The following DYNC2H1 variants were observed in gnomAD, a reference collection of about 807,000 sequenced individuals.
DYNC2H1 encodes the protein dynein cytoplasmic 2 heavy chain 1, also known as cytoplasmic dynein 2 heavy chain 1.
In DYNC2H1, 410 loss-of-function variants were observed where a neutral mutation model predicts 570.0. The ratio of observed to expected loss-of-function variants is 0.72; its 90% confidence interval spans 0.66 to 0.78. DYNC2H1 has a LOEUF of 0.78. Among genes scored for constraint, DYNC2H1 ranks in the 30% least tolerant of loss-of-function variants. The pLI is 0.00. For missense variants in DYNC2H1, 4,865 were observed against 5,046.4 expected (o/e 0.96, Z 1.09); for synonymous variants, 1,688 against 1,677.6 (o/e 1.01, Z -0.15).
At chr11:103,390,389 G>C (rs991937769) in intron 83 of DYNC2H1, among the ~76,000 whole-genome samples, 1 of 150,352 alleles carries the variant, frequency 6.7e-6, no homozygotes, top group Non-Finnish European at 1.5e-5. Flanking sequence ...GTCTATATGT[G>C]TCTCTGCACA....
intron 75 of DYNC2H1, among the ~76,000 whole-genome samples, chr11:103,293,498 C>T (rs7926065): frequency 0.17 from 25,155 of 152,060 alleles, 2,258 homozygotes; most frequent in Admixed American, 0.25. Context: ...TTTCTTTGAA[C>T]AAACTTTATA....
At chr11:103,357,230 T>C (rs1051055366) in intron 82 of DYNC2H1, among the ~76,000 whole-genome samples, 5 of 152,038 alleles carry the variant, frequency 3.3e-5, no homozygotes, top group African/African-American at 1.2e-4. Context: ...TTAAGTATTA[T>C]TTTAGAAAAA....
intron 84 of DYNC2H1, chr11:103,402,821 G>A (rs1169741244): frequency 6.6e-6 from 1 of 152,064 alleles, no homozygotes; most frequent in Non-Finnish European, 1.5e-5. Flanking sequence ...TGGATGAATA[G>A]GCTAATAGTC....
chr11:103,184,616 T>C (rs1861990949), intron 40 of DYNC2H1, among the ~76,000 whole-genome samples: 1 of 151,974 alleles, frequency 6.6e-6, no homozygotes, highest in African/African-American at 2.4e-5. Context: ...TAACTTACCT[T>C]TTCTTTTATA....
chr11:103,210,954 A>T (rs562216787), intron 53 of DYNC2H1, among the ~76,000 whole-genome samples: 1 of 152,082 alleles, frequency 6.6e-6, no homozygotes, highest in African/African-American at 2.4e-5. Flanking sequence ...CATTTTAGAA[A>T]CAAATATCTT....
chr11:103,217,591 G>A (rs1230810637), intron 55 of DYNC2H1, among the ~76,000 whole-genome samples: 1 of 152,160 alleles, frequency 6.6e-6, no homozygotes, highest in Non-Finnish European at 1.5e-5. Flanking sequence ...TACACAGTGT[G>A]GATGATGGAT....
At chr11:103,342,591 C>T (rs1275181858) in intron 82 of DYNC2H1, among the ~76,000 whole-genome samples, 1 of 151,944 alleles carries the variant, frequency 6.6e-6, no homozygotes, top group South Asian at 2.1e-4. Context: ...CAAGCTCCGC[C>T]TCCCAGGTTC....
chr11:103,271,899 C>T (rs371090329), intron 70 of DYNC2H1, among the ~76,000 whole-genome samples: 10 of 152,144 alleles, frequency 6.6e-5, no homozygotes, highest in Middle Eastern at 3.4e-3. Flanking sequence ...GTTAGAATGG[C>T]GATCATTAAA....
At chr11:103,310,699 G>GTTTTTTTTTTTTTTTTTTTTTT (rs1867545678) in intron 78 of DYNC2H1, among the ~76,000 whole-genome samples, 1 of 32,096 alleles carries the variant, frequency 3.1e-5, no homozygotes, top group African/African-American at 1.1e-4. Flanking sequence ...TTTTTTTTTT[G>GTTTTTTTTTTTTTTTTTTTTTT]GGAGACTGAG....
intron 65 of DYNC2H1, among the ~76,000 whole-genome samples, chr11:103,250,518 A>G (rs762344451): frequency 7.2e-5 from 11 of 152,062 alleles, no homozygotes; most frequent in Non-Finnish European, 1.5e-4. Context: ...TTGGAATCCC[A>G]CTATCTAATG....
chr11:103,279,134 T>A (rs986113294), intron 70 of DYNC2H1, among the ~76,000 whole-genome samples: 2 of 152,210 alleles, frequency 1.3e-5, no homozygotes, highest in Non-Finnish European at 2.9e-5. Flanking sequence ...TTTTGATACA[T>A]CATGTTACAA....
At chr11:103,382,271 T>A (rs1941680844) in intron 83 of DYNC2H1, among the ~76,000 whole-genome samples, 1 of 152,178 alleles carries the variant, frequency 6.6e-6, no homozygotes, top group African/African-American at 2.4e-5. Context: ...TCTGGTAGAA[T>A]CTGTTGAGAG....
At chr11:103,235,100 A>G (rs1413226491) in intron 61 of DYNC2H1, among the ~76,000 whole-genome samples, 2 of 151,944 alleles carry the variant, frequency 1.3e-5, no homozygotes, top group Non-Finnish European at 2.9e-5. Context: ...TTATCTTTAT[A>G]AAACCCAATC....
intron 80 of DYNC2H1, among the ~76,000 whole-genome samples, chr11:103,320,302 T>C (rs1363311557): frequency 6.6e-6 from 1 of 152,130 alleles, no homozygotes; most frequent in African/African-American, 2.4e-5. Context: ...CTCAGGAGGC[T>C]AAGGCAGGAG....
chr11:103,396,542 A>T (rs1378690769), intron 83 of DYNC2H1, among the ~76,000 whole-genome samples: 1 of 152,154 alleles, frequency 6.6e-6, no homozygotes, highest in African/African-American at 2.4e-5. Flanking sequence ...TCTGAGGGAG[A>T]ATCATTTCTA....
At chr11:103,397,946 T>C (rs1942465841) in intron 83 of DYNC2H1, among the ~76,000 whole-genome samples, 1 of 152,246 alleles carries the variant, frequency 6.6e-6, no homozygotes, top group Non-Finnish European at 1.5e-5. Context: ...TCTTGGATTG[T>C]AGATAAATGG....
chr11:103,440,347 C>T (rs544788192), intron 85 of DYNC2H1, among the ~76,000 whole-genome samples: 2 of 152,196 alleles, frequency 1.3e-5, no homozygotes, highest in Admixed American at 6.5e-5. Context: ...GCCATTAATA[C>T]TTACAGTTCA....
chr11:103,332,262 A>T (rs1015353720), intron 82 of DYNC2H1, among the ~76,000 whole-genome samples: 3 of 151,494 alleles, frequency 2.0e-5, no homozygotes, highest in African/African-American at 4.9e-5. Flanking sequence ...GAAATTGAAG[A>T]TAGAGCAATA....
chr11:103,171,147 T>C (rs1937284410), intron 34 of DYNC2H1, 79 bp downstream of exon 34: 15 of 1,177,540 alleles, frequency 1.3e-5, no homozygotes, highest in Middle Eastern at 2.9e-4. Flanking sequence ...CAATATTCTC[T>C]TTTTATTTCT....
Sources: allele counts gnomAD v4.1 joint callset (sites outside exome capture counted in the v4.1 genomes callset), GRCh38; gene constraint gnomAD v4.1.1; transcripts MANE v1.5; gene names NCBI Gene and HGNC (gene_info 2026-07-23, HGNC 2026-07-21).